Variants in GRIK4 observed in about 807,000 individuals in gnomAD.
The protein encoded by GRIK4 is glutamate ionotropic receptor kainate type subunit 4, also known as glutamate receptor ionotropic, kainate 4.
GRIK4 carries 40 observed loss-of-function variants against 104.9 expected under a neutral mutation model. That is an observed-to-expected ratio of 0.38 (90% CI 0.30 to 0.50). The LOEUF (loss-of-function observed/expected upper bound fraction) is 0.50, where lower values mean the gene tolerates loss of function less well. Ranked by LOEUF, GRIK4 falls within the 20% of genes least tolerant of loss-of-function variation. The pLI is 0.93. For missense variants in GRIK4, 1,047 were observed against 1,308.1 expected (o/e 0.80, Z 3.08); for synonymous variants, 485 against 524.9 (o/e 0.92, Z 1.04).
In GRIK4 at chr11:120,756,333, G is replaced by T. The variant is rs78361660; in HGVS notation, c.83-46360G>T. Among the ~76,000 whole-genome samples, 462 of 152,256 alleles carry T rather than the reference G, an allele frequency of 3.0e-3. 3 individuals carry two copies. The highest frequency in any genetic ancestry group is 0.01 in the African/African-American group (436 of 41,538). On this transcript the variant is annotated intron_variant, in intron 3 of 20. Transcript: ENST00000527524. ...TCTTGCCCCTCTGTGGATCCCAGGG[G>T]CTCTGTGCCCATCTCTAACTCTTGA... is the stretch of plus-strand genomic sequence containing the variant.
chr11:120,642,212 T>A (rs1463530229), intron 1 of GRIK4, among the ~76,000 whole-genome samples: 1 of 152,148 alleles, frequency 6.6e-6, no homozygotes, highest in East Asian at 1.9e-4. Flanking sequence ...GTGTCTGTGG[T>A]CCTAGCTACT....
At chr11:120,530,365 A>C (rs1378695307) in intron 1 of GRIK4, among the ~76,000 whole-genome samples, 3 of 152,180 alleles carry the variant, frequency 2.0e-5, no homozygotes, top group Non-Finnish European at 4.4e-5. Context: ...TGCAGGCTCT[A>C]GAAGATGGGT....
At chr11:120,944,187 C>CT (rs1943799303) in intron 14 of GRIK4, among the ~76,000 whole-genome samples, 1 of 136,004 alleles carries the variant, frequency 7.4e-6, no homozygotes, top group African/African-American at 2.7e-5. Context: ...TCCCACCCTC[C>CT]TTCCCTCCCT....
intron 19 of GRIK4, among the ~76,000 whole-genome samples, chr11:120,979,313 T>C (rs1425107078): frequency 6.6e-6 from 1 of 152,248 alleles, no homozygotes; most frequent in Non-Finnish European, 1.5e-5. Context: ...TTTTTAACTT[T>C]GCAACATTCT....
intron 3 of GRIK4, among the ~76,000 whole-genome samples, chr11:120,721,041 G>A (rs528200195): frequency 1.3e-5 from 2 of 152,258 alleles, no homozygotes; most frequent in East Asian, 3.9e-4. Context: ...TAACTGAGCA[G>A]CACCAGTCAG....
At chr11:120,911,326 C>T (rs1423908446) in intron 13 of GRIK4, among the ~76,000 whole-genome samples, 1 of 150,068 alleles carries the variant, frequency 6.7e-6, no homozygotes, top group African/African-American at 2.4e-5. Flanking sequence ...GCAAGCTCCG[C>T]CTCCCGGGTT....
intron 1 of GRIK4, among the ~76,000 whole-genome samples, chr11:120,540,471 G>T (rs140253067): frequency 1.2e-3 from 178 of 152,078 alleles, no homozygotes; most frequent in African/African-American, 3.9e-3. Context: ...AAAATTAGCC[G>T]GGCATGGTGG....
intron 8 of GRIK4, among the ~76,000 whole-genome samples, chr11:120,845,650 T>TACACAC (rs146137487): frequency 3.2e-4 from 47 of 146,138 alleles, no homozygotes; most frequent in African/African-American, 5.8e-4. Flanking sequence ...TGCACACTTC[T>TACACAC]ACACACACAC....
chr11:120,633,383 TCTCTGCAG>T (rs1410728758), intron 1 of GRIK4, among the ~76,000 whole-genome samples: 1 of 152,180 alleles, frequency 6.6e-6, no homozygotes, highest in Non-Finnish European at 1.5e-5. Context: ...TAAAGAGGAC[TCTCTGCAG>T]ACGCTGGCCC....
chr11:120,982,463 T>G (rs1944668166), intron 20 of GRIK4, among the ~76,000 whole-genome samples: 1 of 152,208 alleles, frequency 6.6e-6, no homozygotes, highest in African/African-American at 2.4e-5. Flanking sequence ...AGTACCAGGT[T>G]ACTATGGAAA....
chr11:120,802,760 C>G lies in GRIK4; in HGVS notation c.150C>G (p.Asn50Lys). The G allele has an allele frequency of 1.2e-6, 2 of 1,614,150 alleles. No homozygotes were observed. Among genetic ancestry groups the G allele is most frequent in the Non-Finnish European group, 1.7e-6 (2 of 1,179,972 alleles). ...GGCTCTCCATCACCCTGGCCAAGAA[C>G]CGCATCAACCGCGCTCCTGAGAGGC... ...GERLSITLAK[N>K]RINRAPERLG... Residue 50 changes from asparagine (N) to lysine (K), a missense_variant, in exon 4 of 21, where the codon AAC (asparagine) becomes AAG (lysine). Physicochemically the swap from Asn to Lys is moderately conservative, Grantham distance 94 (BLOSUM62 0). Around this residue, in one of 3 missense-constraint regions of GRIK4, gnomAD observed 447 missense variants for 514.9 expected, o/e 0.87. Coordinates refer to ENST00000527524, the MANE Select transcript of GRIK4 (RefSeq NM_014619.5).
chr11:120,643,697 G>T (rs1473995188), intron 1 of GRIK4, among the ~76,000 whole-genome samples: 2 of 152,164 alleles, frequency 1.3e-5, no homozygotes, highest in Admixed American at 1.3e-4. Flanking sequence ...TGAGTTTCCG[G>T]CTCTTCATCT....
intron 2 of GRIK4, among the ~76,000 whole-genome samples, chr11:120,658,507 C>T (rs1355721493): frequency 1.3e-5 from 2 of 152,086 alleles, no homozygotes; most frequent in Non-Finnish European, 1.5e-5. Context: ...ATAAGAGTTC[C>T]AATTTGTCCA....
intron 3 of GRIK4, among the ~76,000 whole-genome samples, chr11:120,727,035 G>A (rs556970645): frequency 2.6e-5 from 4 of 152,294 alleles, no homozygotes; most frequent in Admixed American, 2.6e-4. Flanking sequence ...AAAGAAGCAA[G>A]GGGAAGACAG....
intron 3 of GRIK4, among the ~76,000 whole-genome samples, chr11:120,671,065 G>A (rs770996104): frequency 5.3e-5 from 8 of 152,162 alleles, no homozygotes; most frequent in Non-Finnish European, 5.9e-5. Flanking sequence ...GTATTCCATG[G>A]TATATATGTG....
chr11:120,650,467 C>T (rs1949602608), intron 1 of GRIK4, among the ~76,000 whole-genome samples: 1 of 152,242 alleles, frequency 6.6e-6, no homozygotes, highest in African/African-American at 2.4e-5. Flanking sequence ...GTTGTTTTCT[C>T]CATCCTGGTC....
intron 3 of GRIK4, among the ~76,000 whole-genome samples, chr11:120,791,497 T>G (rs911717683): frequency 6.6e-6 from 1 of 152,226 alleles, no homozygotes; most frequent in Non-Finnish European, 1.5e-5. Context: ...CTTTACATAT[T>G]CTGGATACAA....
At chr11:120,803,294 T>C (rs1056376057) in intron 4 of GRIK4, among the ~76,000 whole-genome samples, 1 of 152,206 alleles carries the variant, frequency 6.6e-6, no homozygotes, top group African/African-American at 2.4e-5. Flanking sequence ...GGATGGAATT[T>C]GACCACTCAC....
chr11:120,784,336 G>C (rs1952221296), intron 3 of GRIK4, among the ~76,000 whole-genome samples: 1 of 152,160 alleles, frequency 6.6e-6, no homozygotes, highest in Non-Finnish European at 1.5e-5. Context: ...CCTGGGAAAA[G>C]AGACAGATAA....
Sources: allele counts gnomAD v4.1 joint callset (sites outside exome capture counted in the v4.1 genomes callset), GRCh38; gene constraint gnomAD v4.1.1; regional missense constraint gnomAD v4.1.1; transcripts MANE v1.5; gene names NCBI Gene and HGNC (gene_info 2026-07-23, HGNC 2026-07-21).